The following PTPRT variants were observed in gnomAD, a reference collection of about 807,000 sequenced individuals.
PTPRT encodes the protein protein tyrosine phosphatase receptor type T, also known as receptor-type tyrosine-protein phosphatase T.
Under a neutral mutation model 176.8 loss-of-function variants are expected in PTPRT, and 56 were observed. The observed-to-expected ratio is 0.32, with a 90% confidence interval of 0.26 to 0.40. The LOEUF is 0.40. PTPRT is among the 10% of genes least tolerant of loss of function. PTPRT has a pLI of 1.00. For synonymous variants in PTPRT, 783 were observed against 739.0 expected (o/e 1.06, Z -0.96); for missense variants, 1,540 against 1,908.2 (o/e 0.81, Z 3.60).
At chr20:42,795,012 C>T (rs1369588790) in intron 2 of PTPRT, among the ~76,000 whole-genome samples, 2 of 152,116 alleles carry the variant, frequency 1.3e-5, no homozygotes, top group Non-Finnish European at 2.9e-5. Context: ...GAGTGAAAAC[C>T]CTTGTATATC....
chr20:42,660,906 C>T (rs2075211746), intron 7 of PTPRT, among the ~76,000 whole-genome samples: 1 of 152,118 alleles, frequency 6.6e-6, no homozygotes, highest in South Asian at 2.1e-4. Flanking sequence ...GGCTGGAGGG[C>T]AGTGGCATGA....
rs144455099 is a variant in PTPRT, at chr20:42,871,292, C to A, written c.214+14515G>T. Among the ~76,000 whole-genome samples the A allele has an allele frequency of 3.7e-3, 516 of 138,692 alleles. 1 individual carries two copies. Among genetic ancestry groups the A allele is most frequent in the African/African-American group, 0.013 (489 of 36,612 alleles). 91.0% of individuals were successfully genotyped at this position (138,692 alleles called of 152,430 possible). On this transcript the variant is annotated intron_variant, in intron 2 of 30. Coordinates refer to ENST00000373187, the MANE Select transcript of PTPRT (RefSeq NM_007050.6). ...TCACCATTTGTTTATCTTCTTTGGA[C>A]AAATGTCTATTTCAGCCCTTTTTAA...
At chr20:43,143,188 T>C (rs1208791960) in intron 1 of PTPRT, among the ~76,000 whole-genome samples, 1 of 152,132 alleles carries the variant, frequency 6.6e-6, no homozygotes, top group African/African-American at 2.4e-5. Flanking sequence ...CCTGGGTTAC[T>C]CCCAACAATC....
At chr20:42,913,701 C>A (rs1221914439) in intron 1 of PTPRT, among the ~76,000 whole-genome samples, 1 of 152,140 alleles carries the variant, frequency 6.6e-6, no homozygotes, top group Non-Finnish European at 1.5e-5. Context: ...GTCTTAATAG[C>A]AAATTCTATG....
At chr20:42,291,151 T>C (rs775291905) in intron 12 of PTPRT, among the ~76,000 whole-genome samples, 6 of 152,170 alleles carry the variant, frequency 3.9e-5, no homozygotes, top group Admixed American at 1.3e-4. Flanking sequence ...GACTCAGGCC[T>C]TAATTCTCCT....
chr20:42,455,343 T>C (rs1415226268), intron 8 of PTPRT, among the ~76,000 whole-genome samples: 3 of 152,200 alleles, frequency 2.0e-5, no homozygotes, highest in African/African-American at 7.2e-5. Flanking sequence ...ACATGGTAAT[T>C]TTTTGTTAAT....
intron 1 of PTPRT, among the ~76,000 whole-genome samples, chr20:42,965,720 CAG>C (rs1414666414): frequency 6.6e-6 from 1 of 152,190 alleles, no homozygotes; most frequent in Non-Finnish European, 1.5e-5. Flanking sequence ...ACAAAGCTCA[CAG>C]ATGGAAAAAC....
intron 2 of PTPRT, among the ~76,000 whole-genome samples, chr20:42,813,372 C>T (rs1316810739): frequency 1.3e-5 from 2 of 151,546 alleles, no homozygotes; most frequent in Non-Finnish European, 1.5e-5. Context: ...TTGCTTGCAT[C>T]CCTTCCTTCC....
At chr20:43,058,065 T>G (rs1252498524) in intron 1 of PTPRT, among the ~76,000 whole-genome samples, 1 of 152,176 alleles carries the variant, frequency 6.6e-6, no homozygotes, top group East Asian at 1.9e-4. Context: ...GAGGTTTCCA[T>G]GCCTTGCCCT....
At position 42,081,863 on chromosome 20, in the gene PTPRT, C is replaced by G; in HGVS notation, c.4272+19G>C. 6.2e-7 allele frequency: 1 copy of G among 1,613,764 alleles called. No homozygotes were observed. Among genetic ancestry groups the G allele is most frequent in the South Asian group, 1.1e-5 (1 of 91,076 alleles). ...CTAGTCAGCCCTGGCTGTTGGAGAACAGTCCTTGGGATACTCACCAGGGTC... is the reference window on the plus strand; with the variant it reads ...CTAGTCAGCCCTGGCTGTTGGAGAAGAGTCCTTGGGATACTCACCAGGGTC... On this transcript the variant is annotated intron_variant, in intron 30 of 30. Transcript: ENST00000373187.
At chr20:42,432,963 A>G (rs1334794613) in intron 9 of PTPRT, among the ~76,000 whole-genome samples, 1 of 152,196 alleles carries the variant, frequency 6.6e-6, no homozygotes, top group East Asian at 1.9e-4. Context: ...ATGATCACTC[A>G]TACTGGCTCA....
At chr20:42,795,620 C>T (rs1309319616) in intron 2 of PTPRT, among the ~76,000 whole-genome samples, 1 of 152,214 alleles carries the variant, frequency 6.6e-6, no homozygotes, top group Non-Finnish European at 1.5e-5. Flanking sequence ...CCCGCCAGCT[C>T]CCAGTGCCAG....
In PTPRT at chr20:42,411,215, C is replaced by T. The variant is rs964225273; in HGVS notation, c.1560+37005G>A. Among the ~76,000 whole-genome samples, 7 of 152,008 alleles carry T rather than the reference C, an allele frequency of 4.6e-5. No homozygotes were observed. The East Asian group carries it at 5.8e-4, about 13-fold the overall frequency. On this transcript the variant is annotated intron_variant, in intron 9 of 30. Transcript: ENST00000373187. ...ATCCCAGCACTTTGGGAGGCCGAGG[C>T]GGGCAGATCACTTGAGGCCAAGAGT...
At chr20:42,798,523 A>G (rs1418392972) in intron 2 of PTPRT, among the ~76,000 whole-genome samples, 1 of 152,200 alleles carries the variant, frequency 6.6e-6, no homozygotes, top group African/African-American at 2.4e-5. Context: ...CTTATTATCT[A>G]TGAAAGCAAT....
chr20:43,168,218 T>A (rs910321495), intron 1 of PTPRT, among the ~76,000 whole-genome samples: 1 of 152,194 alleles, frequency 6.6e-6, no homozygotes, highest in Admixed American at 6.5e-5. Flanking sequence ...AGTAAACCAG[T>A]CTCAATCCCT....
chr20:42,104,296 C>T (rs532606641), intron 25 of PTPRT, among the ~76,000 whole-genome samples: 27 of 151,128 alleles, frequency 1.8e-4, no homozygotes, highest in Non-Finnish European at 3.8e-4. Flanking sequence ...TAGTGAGATC[C>T]TATCTCTATA....
intron 6 of PTPRT, among the ~76,000 whole-genome samples, chr20:42,726,114 T>G (rs2076377330): frequency 6.6e-6 from 1 of 150,716 alleles, no homozygotes; most frequent in Non-Finnish European, 1.5e-5. Flanking sequence ...AGTTTTGCTG[T>G]TTTTGCCCAG....
rs561258276 is a variant in PTPRT, at chr20:42,980,170, G to C, written c.89-94238C>G. 2.0e-5 allele frequency among the ~76,000 whole-genome samples: 3 copies of C among 152,146 alleles called. No homozygotes were observed. The South Asian group carries it at 6.2e-4, about 32-fold the overall frequency. On this transcript the variant is annotated intron_variant, in intron 1 of 30. Coordinates refer to ENST00000373187, the MANE Select transcript of PTPRT (RefSeq NM_007050.6). ...TTAAATGAATACATTTTCTGCCTTG[G>C]AGCAGTAGCTGCCAGTGAGCCTTTA...
At chr20:42,765,011 T>C (rs1486546497) in intron 5 of PTPRT, among the ~76,000 whole-genome samples, 1 of 152,174 alleles carries the variant, frequency 6.6e-6, no homozygotes, top group Non-Finnish European at 1.5e-5. Context: ...CTGATATGCC[T>C]CCTCAGCTCA....
Sources: allele counts gnomAD v4.1 joint callset (sites outside exome capture counted in the v4.1 genomes callset), GRCh38; gene constraint gnomAD v4.1.1; transcripts MANE v1.5; gene names NCBI Gene and HGNC (gene_info 2026-07-23, HGNC 2026-07-21).